Variants in PCDHA13 observed in about 807,000 individuals in gnomAD.
PCDHA13 encodes the protein protocadherin alpha 13.
PCDHA13 carries 54 observed loss-of-function variants against 64.8 expected under a neutral mutation model. That is an observed-to-expected ratio of 0.83 (90% CI 0.67 to 1.04). The LOEUF is 1.04. Ranked by LOEUF, PCDHA13 falls within the 50% of genes least tolerant of loss-of-function variation. The pLI is 0.00. For missense variants in PCDHA13, 1,248 were observed against 1,254.3 expected (o/e 0.99, Z 0.08); for synonymous variants, 587 against 564.4 (o/e 1.04, Z -0.57).
chr5:140,968,121 T>C (rs1554230356), intron 1 of PCDHA13: 2 of 1,614,180 alleles, frequency 1.2e-6, no homozygotes, highest in Non-Finnish European at 1.7e-6. Flanking sequence ...CTCACATCCC[T>C]GCGTACACTG....
intron 3 of PCDHA13, among the ~76,000 whole-genome samples, chr5:141,007,447 A>T (rs2153992021): frequency 6.6e-6 from 1 of 151,258 alleles, no homozygotes; most frequent in South Asian, 2.1e-4. Flanking sequence ...ATGTGCCTGT[A>T]GTCCCAGCTA....
intron 1 of PCDHA13, among the ~76,000 whole-genome samples, chr5:140,932,121 T>C (rs1343821167): frequency 6.6e-6 from 1 of 151,956 alleles, no homozygotes; most frequent in Non-Finnish European, 1.5e-5. Context: ...ATTGATAATA[T>C]TTAAGATATA....
chr5:140,884,288 C>T lies in PCDHA13; in HGVS notation c.2020C>T (p.Gln674Ter). The stretch of plus-strand genomic sequence containing the variant: ...GCTGTTGTCGCTGGTGGAGAGCGGC[C>T]AAGCGCCACAGGCTTCGTCGAGGGC... ...TVLLSLVESG[Q>*]APQASSRASA... is the part of the protein sequence containing the mutation. The change falls in exon 1 of 4, where the codon CAA (glutamine) becomes TAA (stop). Residue 674 changes from glutamine to a stop codon, truncating the protein, a stop_gained. Transcript: ENST00000289272. LOFTEE classifies it high-confidence loss of function. 6.2e-7 allele frequency: 1 copy of T among 1,613,630 alleles called. No homozygotes were observed. Among genetic ancestry groups the T allele is most frequent in the Non-Finnish European group, 8.5e-7 (1 of 1,179,812 alleles).
chr5:140,883,272 C>T lies in PCDHA13; in HGVS notation c.1004C>T (p.Thr335Ile). 6.2e-7 allele frequency: 1 copy of T among 1,613,880 alleles called. No homozygotes were observed. The highest frequency in any genetic ancestry group is 8.5e-7 in the Non-Finnish European group (1 of 1,179,960). Residue 335 changes from threonine to isoleucine, a missense_variant, in exon 1 of 4, where the codon ACC (threonine) becomes ATC (isoleucine). By Grantham distance (89) the Thr-to-Ile change is moderately conservative (BLOSUM62 -1). Coordinates refer to ENST00000289272, the MANE Select transcript of PCDHA13 (RefSeq NM_018904.3). ...KGNIPMAGHC[T>I]LLVEVLDVND... ...AATATTCCAATGGCGGGTCATTGTACCCTTTTGGTGGAAGTACTAGATGTA... is the reference window on the plus strand; with the variant it reads ...AATATTCCAATGGCGGGTCATTGTATCCTTTTGGTGGAAGTACTAGATGTA...
intron 1 of PCDHA13, chr5:140,930,101 G>A (rs782338185): frequency 9.2e-5 from 14 of 152,094 alleles, no homozygotes; most frequent in Non-Finnish European, 1.6e-4. Context: ...TATACTGATA[G>A]GAGATCATAT....
In PCDHA13 at chr5:141,011,117, C is replaced by A. The variant is rs1301385116; in HGVS notation, c.*1180C>A. The A allele has an allele frequency of 1.3e-5, 2 of 153,590 alleles. No homozygotes were observed. The highest frequency in any genetic ancestry group is 2.4e-5 in the African/African-American group (1 of 41,402). The allele number at this position is 153,590 out of a possible 1,614,324, so 9.5% of individuals were successfully genotyped here. The stretch of plus-strand genomic sequence containing the variant: ...CTCTCTCTCTCTCTTTTCTAAGAAA[C>A]AATTATGTGCACTTTGATACACAAC... On this transcript the variant is annotated 3_prime_UTR_variant, in exon 4 of 4. Coordinates refer to ENST00000289272, the MANE Select transcript of PCDHA13 (RefSeq NM_018904.3).
At position 140,887,760 on chromosome 5, in the gene PCDHA13, A is replaced by AT. The variant is rs1233050056; in HGVS notation, c.2394+3099dup. On this transcript the variant is annotated intron_variant, in intron 1 of 3. Coordinates refer to ENST00000289272, the MANE Select transcript of PCDHA13 (RefSeq NM_018904.3). Reference sequence around the variant, plus strand: ...CCTTTCTGAGACTCCAGTAACACATATGTTACAATGACACAGGTCATTGAA... The same window carrying AT: ...CCTTTCTGAGACTCCAGTAACACATATTGTTACAATGACACAGGTCATTGAA... Among the ~76,000 whole-genome samples, 21 of 152,264 alleles carry AT rather than the reference A, an allele frequency of 1.4e-4. No individual in the cohort carries two copies. In the East Asian group the frequency reaches 4.1e-3, roughly 29 times the overall value.
intron 1 of PCDHA13, among the ~76,000 whole-genome samples, chr5:140,894,564 T>C (rs1554186142): frequency 6.6e-6 from 1 of 151,978 alleles, no homozygotes; most frequent in Non-Finnish European, 1.5e-5. Context: ...GAAAAAATTA[T>C]TTTCCTTTTT....
intron 1 of PCDHA13, among the ~76,000 whole-genome samples, chr5:140,923,810 T>C (rs1433569913): frequency 6.6e-6 from 1 of 152,202 alleles, no homozygotes; most frequent in Non-Finnish European, 1.5e-5. Flanking sequence ...TGAAATCTTC[T>C]GAAAATAGAC....
chr5:140,901,229 T>C (rs1394148058), intron 1 of PCDHA13, among the ~76,000 whole-genome samples: 1 of 152,166 alleles, frequency 6.6e-6, no homozygotes, highest in African/African-American at 2.4e-5. Context: ...ATCCCATATA[T>C]CCATTTTTTT....
At chr5:140,989,970 A>C (rs2097368842) in intron 3 of PCDHA13, among the ~76,000 whole-genome samples, 1 of 152,136 alleles carries the variant, frequency 6.6e-6, no homozygotes, top group Non-Finnish European at 1.5e-5. Flanking sequence ...GAGCTTCCTC[A>C]GCAACAGCCC....
chr5:140,923,220 G>A (rs1264496576), intron 1 of PCDHA13, among the ~76,000 whole-genome samples: 5 of 71,932 alleles, frequency 7.0e-5, no homozygotes, highest in African/African-American at 2.1e-4. Flanking sequence ...TGAAAGGATC[G>A]TTTGAGCCCA....
chr5:140,966,750 C>A, intron 1 of PCDHA13: 1 of 1,428,438 alleles, frequency 7.0e-7, no homozygotes, highest in South Asian at 1.5e-5. Flanking sequence ...CGGCTGCCTC[C>A]GCCGCGGCCA....
rs542968986 is a variant in PCDHA13, at chr5:141,005,917, A to T, written c.2543-3710A>T. On this transcript the variant is annotated intron_variant, in intron 3 of 3. Transcript: ENST00000289272. ...AGCAATGATTGCACCACTGCACTTCAGCCTGGTTGACAGAGTGAGAACCTA... is the reference window on the plus strand; with the variant it reads ...AGCAATGATTGCACCACTGCACTTCTGCCTGGTTGACAGAGTGAGAACCTA... Among the ~76,000 whole-genome samples the T allele has an allele frequency of 4.5e-4, 69 of 152,156 alleles. No homozygotes were observed. In the South Asian group the frequency reaches 0.013, roughly 28 times the overall value.
At chr5:140,969,279 A>G (rs782221973) in intron 1 of PCDHA13, 3 of 1,614,244 alleles carry the variant, frequency 1.9e-6, no homozygotes, top group East Asian at 2.2e-5. Flanking sequence ...CAAAGTGGTC[A>G]GAATGCTGGG....
intron 1 of PCDHA13, chr5:140,967,990 G>C: frequency 6.2e-7 from 1 of 1,614,232 alleles, no homozygotes; most frequent in Non-Finnish European, 8.5e-7. Flanking sequence ...AGGCCACACT[G>C]CCTTTCCGAC....
intron 1 of PCDHA13, among the ~76,000 whole-genome samples, chr5:140,893,817 C>G (rs951661016): frequency 6.6e-6 from 1 of 151,980 alleles, no homozygotes; most frequent in Admixed American, 6.6e-5. Flanking sequence ...AGTCTGGTAC[C>G]GTAGACTACT....
chr5:140,969,454 A>T, intron 1 of PCDHA13: 1 of 1,511,824 alleles, frequency 6.6e-7, no homozygotes. Flanking sequence ...AACTGAGTAT[A>T]TATAGTATCC....
intron 3 of PCDHA13, among the ~76,000 whole-genome samples, chr5:141,004,974 G>T (rs557503446): frequency 6.6e-6 from 1 of 152,302 alleles, no homozygotes; most frequent in South Asian, 2.1e-4. Context: ...CTGTAAATTT[G>T]CAGTATCATT....
Sources: allele counts gnomAD v4.1 joint callset (sites outside exome capture counted in the v4.1 genomes callset), GRCh38; gene constraint gnomAD v4.1.1; transcripts MANE v1.5; gene names NCBI Gene and HGNC (gene_info 2026-07-23, HGNC 2026-07-21).